Variants in STRBP observed in about 807,000 individuals in gnomAD.
STRBP encodes the protein spermatid perinuclear RNA binding protein.
A neutral mutation model predicts 80.1 loss-of-function variants in STRBP; 13 were observed. The observed-to-expected ratio is 0.16, with a 90% confidence interval of 0.11 to 0.26. The LOEUF is 0.26. Ranked by LOEUF, STRBP falls within the 10% of genes least tolerant of loss-of-function variation. The pLI, the probability that STRBP is intolerant of heterozygous loss-of-function variation, is 1.00. For synonymous variants in STRBP, 284 were observed against 291.2 expected (o/e 0.98, Z 0.25); for missense variants, 485 against 815.2 (o/e 0.59, Z 4.93).
intron 6 of STRBP, among the ~76,000 whole-genome samples, chr9:123,164,306 C>T (rs2037658657): frequency 6.6e-6 from 1 of 152,170 alleles, no homozygotes; most frequent in Non-Finnish European, 1.5e-5. Flanking sequence ...CTCAGCCTCC[C>T]AAAGTGCTGC....
chr9:123,246,604 A>G (rs770045639), intron 1 of STRBP, among the ~76,000 whole-genome samples: 2 of 152,176 alleles, frequency 1.3e-5, no homozygotes, highest in Non-Finnish European at 2.9e-5. Flanking sequence ...CAACAATACT[A>G]TAACATAACA....
At chr9:123,220,325 C>G in intron 2 of STRBP, among the ~76,000 whole-genome samples, 1 of 152,188 alleles carries the variant, frequency 6.6e-6, no homozygotes, top group East Asian at 1.9e-4. Context: ...TTCTATACAC[C>G]TAGGTTATTA....
intron 2 of STRBP, among the ~76,000 whole-genome samples, chr9:123,205,257 C>T (rs1280116508): frequency 6.6e-6 from 1 of 152,218 alleles, no homozygotes; most frequent in African/African-American, 2.4e-5. Context: ...AAGAGCAAAA[C>T]TCTGTCTCAA....
In STRBP at chr9:123,124,444, G is replaced by C; in HGVS notation, c.*1153C>G. 1 of 985,406 alleles carries C rather than the reference G, an allele frequency of 1.0e-6. No individual in the cohort carries two copies. Among genetic ancestry groups the C allele is most frequent in the Non-Finnish European group, 1.2e-6 (1 of 829,950 alleles). 61.0% of individuals were successfully genotyped at this position (985,406 alleles called of 1,614,324 possible). On this transcript the variant is annotated 3_prime_UTR_variant, in exon 19 of 19. Coordinates refer to ENST00000348403, the MANE Select transcript of STRBP (RefSeq NM_018387.5). ...GTTACCCACTGATCCATTTCCACCA[G>C]CATCATCAGGTGTCTTAAAAAGAAA...
At chr9:123,142,935 G>T (rs1258063815) in intron 13 of STRBP, among the ~76,000 whole-genome samples, 1 of 152,148 alleles carries the variant, frequency 6.6e-6, no homozygotes, top group Non-Finnish European at 1.5e-5. Flanking sequence ...ATGGAAACAA[G>T]GTGACTGGGA....
rs1394989079 is a variant in STRBP, at chr9:123,125,064, A to T, written c.*533T>A. 1 of 985,210 alleles carries T rather than the reference A, an allele frequency of 1.0e-6. No homozygotes were observed. Among genetic ancestry groups the T allele is most frequent in the Admixed American group, 6.1e-5 (1 of 16,268 alleles). 61.0% of individuals were successfully genotyped at this position (985,210 alleles called of 1,614,324 possible). ...TTCAAACCCATATTTTATTGGCTTT[A>T]TTACACACTTCAATATTTACAAAGT... is the stretch of plus-strand genomic sequence containing the variant. On this transcript the variant is annotated 3_prime_UTR_variant, in exon 19 of 19. Transcript: ENST00000348403.
intron 2 of STRBP, among the ~76,000 whole-genome samples, chr9:123,211,388 T>G (rs2039703324): frequency 6.6e-6 from 1 of 151,980 alleles, no homozygotes; most frequent in East Asian, 1.9e-4. Context: ...AGAAAGAGGG[T>G]GAATACAAAA....
At chr9:123,164,299 AG>A (rs1359147209) in intron 6 of STRBP, among the ~76,000 whole-genome samples, 2 of 152,096 alleles carry the variant, frequency 1.3e-5, no homozygotes, top group Non-Finnish European at 2.9e-5. Flanking sequence ...TGCCCACCTC[AG>A]CCTCCCAAAG....
chr9:123,263,995 T>C lies in STRBP; in HGVS notation c.-302+4441A>G, dbSNP rs144862039. Among the ~76,000 whole-genome samples, 724 of 152,248 alleles carry C rather than the reference T, an allele frequency of 4.8e-3. 4 individuals carry two copies. Among genetic ancestry groups the C allele is most frequent in the Non-Finnish European group, 6.8e-3 (460 of 67,980 alleles). On this transcript the variant is annotated intron_variant, in intron 1 of 18. Transcript: ENST00000348403. The stretch of plus-strand genomic sequence containing the variant: ...GAGATCGAGACCGTCCTGGCCAACA[T>C]GGTGAAACCCCGCCTCTACTAAAAA...
rs529022738 is a variant in STRBP, at chr9:123,158,485, A to G, written c.836-56T>C. ...TAGAACTGAGTTTAGAATTCGGTAA[A>G]CTAAAACAAAAGAGAGATGGCTGGG... On this transcript the variant is annotated intron_variant, in intron 9 of 18. Coordinates refer to ENST00000348403, the MANE Select transcript of STRBP (RefSeq NM_018387.5). 7 of 1,493,358 alleles carry G rather than the reference A, an allele frequency of 4.7e-6. No individual in the cohort carries two copies. The African/African-American group carries it at 9.7e-5, about 21-fold the overall frequency. 92.5% of individuals were successfully genotyped at this position (1,493,358 alleles called of 1,614,324 possible). A position where few individuals can be genotyped will look rare whatever the true frequency, so the allele number is the denominator to read the frequency against.
At chr9:123,254,258 G>A (rs994682163) in intron 1 of STRBP, among the ~76,000 whole-genome samples, 5 of 151,860 alleles carry the variant, frequency 3.3e-5, no homozygotes, top group African/African-American at 1.2e-4. Flanking sequence ...TCAGGAGATC[G>A]AGACCAGTCT....
intron 13 of STRBP, among the ~76,000 whole-genome samples, chr9:123,144,466 T>C (rs1025473948): frequency 6.6e-6 from 1 of 152,094 alleles, no homozygotes; most frequent in Admixed American, 6.5e-5. Context: ...AGACTAAAAA[T>C]AGCCCCGCAT....
At chr9:123,142,142 T>C (rs2036614609) in intron 13 of STRBP, among the ~76,000 whole-genome samples, 2 of 152,208 alleles carry the variant, frequency 1.3e-5, no homozygotes, top group Non-Finnish European at 2.9e-5. Flanking sequence ...CCAAATCTCA[T>C]GTCAAATTGA....
chr9:123,265,339 T>C (rs2041244682), intron 1 of STRBP, among the ~76,000 whole-genome samples: 1 of 152,104 alleles, frequency 6.6e-6, no homozygotes, highest in Admixed American at 6.6e-5. Context: ...ACTTCCTAAA[T>C]CGACAAAAGA....
chr9:123,176,073 G>C (rs1041486085), intron 4 of STRBP, among the ~76,000 whole-genome samples: 1 of 152,188 alleles, frequency 6.6e-6, no homozygotes, highest in African/African-American at 2.4e-5. Context: ...CTTTCTCACA[G>C]AGTGGTAGTG....
chr9:123,249,019 A>C (rs887630307), intron 1 of STRBP, among the ~76,000 whole-genome samples: 3 of 152,256 alleles, frequency 2.0e-5, no homozygotes, highest in African/African-American at 7.2e-5. Context: ...TCAAGGAATA[A>C]GATGGTTTCT....
rs2035818402 is a variant in STRBP, at chr9:123,124,287, C to T, written c.*1310G>A. 1 of 985,240 alleles carries T rather than the reference C, an allele frequency of 1.0e-6. No homozygotes were observed. Among genetic ancestry groups the T allele is most frequent in the Non-Finnish European group, 1.2e-6 (1 of 829,934 alleles). The allele number at this position is 985,240 out of a possible 1,614,324, so 61.0% of individuals were successfully genotyped here. On this transcript the variant is annotated 3_prime_UTR_variant, in exon 19 of 19. Coordinates refer to ENST00000348403, the MANE Select transcript of STRBP (RefSeq NM_018387.5). The stretch of plus-strand genomic sequence containing the variant: ...GTGCCTTATAAATATTGACAGGGGA[C>T]CACACTGCTGCTCCTTCATGGGGGT...
At chr9:123,144,583 G>A (rs1315924320) in intron 13 of STRBP, among the ~76,000 whole-genome samples, 1 of 152,028 alleles carries the variant, frequency 6.6e-6, no homozygotes, top group African/African-American at 2.4e-5. Flanking sequence ...AAATAAGAAG[G>A]CTTGGAAGAA....
intron 2 of STRBP, among the ~76,000 whole-genome samples, chr9:123,223,721 A>T (rs575753943): frequency 1.3e-5 from 2 of 151,430 alleles, no homozygotes; most frequent in Non-Finnish European, 2.9e-5. Flanking sequence ...CAACGTTACA[A>T]TTTTTTTTTA....
Sources: gnomAD v4.1 joint callset for allele counts (sites outside exome capture counted in the v4.1 genomes callset) on GRCh38, gnomAD v4.1.1 for gene constraint, MANE v1.5 for transcripts, NCBI Gene and HGNC (gene_info 2026-07-23, HGNC 2026-07-21) for gene names.